ADAM32: variants seen among roughly 807,000 people sequenced by gnomAD.
ADAM32 encodes ADAM metallopeptidase domain 32.
In ADAM32, 89 loss-of-function variants were observed where a neutral mutation model predicts 114.9. The observed-to-expected ratio is 0.77, with a 90% confidence interval of 0.65 to 0.92. The LOEUF (loss-of-function observed/expected upper bound fraction) is 0.92. ADAM32 is among the 40% of genes least tolerant of loss of function. The probability of loss-of-function intolerance (pLI) is 0.00; values close to 1 mark genes in which losing one functional copy is unlikely to be tolerated. For synonymous variants in ADAM32, 285 were observed against 307.5 expected (o/e 0.93, Z 0.77); for missense variants, 870 against 932.8 (o/e 0.93, Z 0.88).
At chr8:39,146,334 T>G (rs1803502202) in intron 3 of ADAM32, among the ~76,000 whole-genome samples, 1 of 152,160 alleles carries the variant, frequency 6.6e-6, no homozygotes, top group Non-Finnish European at 1.5e-5. Flanking sequence ...GTAATATATG[T>G]GCATAGTAAT....
At chr8:39,155,043 C>T (rs923751561) in intron 6 of ADAM32, among the ~76,000 whole-genome samples, 2 of 152,198 alleles carry the variant, frequency 1.3e-5, no homozygotes, top group South Asian at 2.1e-4. Context: ...ATGCTAAAAG[C>T]GCTCAATAAA....
At chr8:39,160,303 G>C (rs1037926051) in intron 6 of ADAM32, among the ~76,000 whole-genome samples, 51 of 152,166 alleles carry the variant, frequency 3.4e-4, no homozygotes, top group African/African-American at 1.1e-3. Context: ...CACTTTGGGA[G>C]GCCAAGGCGG....
At chr8:39,274,373 T>C (rs1812941884) in intron 21 of ADAM32, 23 bp downstream of exon 21, 1 of 1,604,574 alleles carries the variant, frequency 6.2e-7, no homozygotes, top group Non-Finnish European at 8.5e-7. Context: ...GAAGAGGTTT[T>C]TAAGATACAT....
intron 3 of ADAM32, 99 bp downstream of exon 3, chr8:39,136,817 A>C (rs1802834641): frequency 1.2e-6 from 1 of 842,088 alleles, no homozygotes; most frequent in Middle Eastern, 2.5e-4. Flanking sequence ...TGGAATTATT[A>C]ACTTTTTTAA....
chr8:39,149,944 G>T (rs1803605388), intron 5 of ADAM32, 77 bp downstream of exon 5: 3 of 1,232,638 alleles, frequency 2.4e-6, no homozygotes, highest in Non-Finnish European at 3.5e-6. Context: ...TTTGTATTAA[G>T]TGTGGGGTTG....
At chr8:39,201,284 T>A (rs912366890) in intron 11 of ADAM32, among the ~76,000 whole-genome samples, 10 of 152,210 alleles carry the variant, frequency 6.6e-5, no homozygotes, top group Non-Finnish European at 1.5e-4. Context: ...TTTGTTTGTG[T>A]CCTCTTTTAG....
At chr8:39,203,998 T>A (rs1338525692) in intron 11 of ADAM32, among the ~76,000 whole-genome samples, 1 of 152,208 alleles carries the variant, frequency 6.6e-6, no homozygotes, top group Non-Finnish European at 1.5e-5. Context: ...TGCTGAGAGA[T>A]CCGCTGTTAG....
At chr8:39,163,734 G>C (rs895442837) in intron 7 of ADAM32, among the ~76,000 whole-genome samples, 4 of 152,180 alleles carry the variant, frequency 2.6e-5, no homozygotes, top group Non-Finnish European at 5.9e-5. Flanking sequence ...ATAAATGTAG[G>C]ATGTGTTAGA....
chr8:39,181,192 TG>T (rs1293103356), intron 10 of ADAM32, among the ~76,000 whole-genome samples: 2 of 152,220 alleles, frequency 1.3e-5, no homozygotes, highest in Admixed American at 1.3e-4. Context: ...ATCTTGCTAC[TG>T]CTCACTCTTT....
intron 16 of ADAM32, among the ~76,000 whole-genome samples, chr8:39,235,954 T>G (rs1241546900): frequency 1.3e-5 from 2 of 152,206 alleles, no homozygotes; most frequent in Non-Finnish European, 2.9e-5. Context: ...ATATGTCATC[T>G]CATTTTAAAC....
intron 10 of ADAM32, among the ~76,000 whole-genome samples, chr8:39,171,327 TTTGGA>T (rs1386477167): frequency 1.3e-5 from 2 of 152,128 alleles, no homozygotes; most frequent in Non-Finnish European, 2.9e-5. Context: ...GAGGACAAGA[TTTGGA>T]TTGTTCTCAG....
chr8:39,221,644 C>G lies in ADAM32; in HGVS notation c.1268C>G (p.Thr423Ser). 2 of 1,612,232 alleles carry G rather than the reference C, an allele frequency of 1.2e-6. No individual in the cohort carries two copies. The highest frequency in any genetic ancestry group is 1.7e-6 in the Non-Finnish European group (2 of 1,178,904). ...CGPASCCDFR[T>S]CVLKDGAKCY... is the part of the protein sequence containing the mutation. The stretch of plus-strand genomic sequence containing the variant: ...CCTGCAAGCTGTTGTGATTTTCGAA[C>G]TTGTGTACTGAAAGACGGAGCAAAA... Residue 423 changes from threonine to serine, a missense_variant, in exon 13 of 25, where the codon ACT becomes AGT. Transcript: ENST00000379907.
At chr8:39,155,883 A>G (rs1423116197) in intron 6 of ADAM32, among the ~76,000 whole-genome samples, 1 of 152,122 alleles carries the variant, frequency 6.6e-6, no homozygotes, top group Non-Finnish European at 1.5e-5. Flanking sequence ...TATTACAATA[A>G]CATCTTAAAT....
At chr8:39,107,689 A>G (rs1163085986), upstream of ADAM32, 29 of 1,540,832 alleles carry the variant, frequency 1.9e-5, no homozygotes, top group Non-Finnish European at 2.4e-5. Flanking sequence ...ACGTGCGGGG[A>G]GCGGCCCCCG....
chr8:39,167,282 C>A (rs766687213), intron 9 of ADAM32: 6 of 152,158 alleles, frequency 3.9e-5, no homozygotes, highest in Non-Finnish European at 8.8e-5. Flanking sequence ...TATCCCAGCA[C>A]CATTTGTTGA....
At chr8:39,262,646 CCT>C (rs1395498686) in intron 19 of ADAM32, among the ~76,000 whole-genome samples, 1 of 151,670 alleles carries the variant, frequency 6.6e-6, no homozygotes, top group Non-Finnish European at 1.5e-5. Context: ...CCTCCATTCC[CCT>C]CTTTCTCTCT....
At chr8:39,234,862 C>T (rs1380318523) in intron 16 of ADAM32, among the ~76,000 whole-genome samples, 1 of 152,234 alleles carries the variant, frequency 6.6e-6, no homozygotes, top group Non-Finnish European at 1.5e-5. Flanking sequence ...GGCATTTCTC[C>T]TTCCTGGGGG....
At chr8:39,136,293 TGGACAGA>T (rs1028995108) in intron 2 of ADAM32, among the ~76,000 whole-genome samples, 18 of 152,196 alleles carry the variant, frequency 1.2e-4, no homozygotes, top group African/African-American at 3.4e-4. Context: ...ATTTTTATGG[TGGACAGA>T]GTAAGCTTCA....
At chr8:39,135,191 T>A (rs1394340757) in intron 2 of ADAM32, among the ~76,000 whole-genome samples, 1 of 152,104 alleles carries the variant, frequency 6.6e-6, no homozygotes, top group Non-Finnish European at 1.5e-5. Flanking sequence ...ATAAAGATGC[T>A]CAAGCATCTG....
Sources: gnomAD v4.1 joint callset for allele counts (sites outside exome capture counted in the v4.1 genomes callset) on GRCh38, gnomAD v4.1.1 for gene constraint, MANE v1.5 for transcripts, NCBI Gene and HGNC (gene_info 2026-07-23, HGNC 2026-07-21) for gene names.